The following LUZP2 variants were observed in gnomAD, a reference collection of about 807,000 sequenced individuals.
LUZP2 encodes the protein leucine zipper protein 2.
In LUZP2, 52 loss-of-function variants were observed where a neutral mutation model predicts 51.6. The observed-to-expected ratio is 1.01, with a 90% CI of 0.81 to 1.27. The LOEUF (loss-of-function observed/expected upper bound fraction) is 1.27. Ranked by LOEUF, LUZP2 falls within the 50% of genes most tolerant of loss-of-function variation. The probability of loss-of-function intolerance (pLI) is 0.00; values close to 1 mark genes in which losing one functional copy is unlikely to be tolerated. For missense variants in LUZP2, 436 were observed against 395.4 expected (o/e 1.10, Z -0.87); for synonymous variants, 154 against 137.3 (o/e 1.12, Z -0.85).
intron 1 of LUZP2, among the ~76,000 whole-genome samples, chr11:24,654,867 A>G (rs1188915223): frequency 6.6e-6 from 1 of 151,610 alleles, no homozygotes; most frequent in Non-Finnish European, 1.5e-5. Flanking sequence ...ATATGAGTTG[A>G]GAATTTAGTG....
At chr11:24,547,019 T>C (rs547146985) in intron 1 of LUZP2, among the ~76,000 whole-genome samples, 11 of 151,746 alleles carry the variant, frequency 7.2e-5, no homozygotes, top group Non-Finnish European at 1.6e-4. Flanking sequence ...TTATTGCTGA[T>C]TCAATTCCAG....
chr11:24,743,646 T>C (rs903818775), intron 4 of LUZP2, among the ~76,000 whole-genome samples: 11 of 152,110 alleles, frequency 7.2e-5, no homozygotes, highest in African/African-American at 2.7e-4. Flanking sequence ...CAATGACAGT[T>C]TGACTTCCTC....
chr11:25,050,892 G>A (rs1488041759), intron 10 of LUZP2, among the ~76,000 whole-genome samples: 3 of 152,170 alleles, frequency 2.0e-5, no homozygotes, highest in African/African-American at 7.2e-5. Context: ...TAGGAAATAT[G>A]GAATTTGTTC....
At chr11:24,660,878 A>T (rs2133981991) in intron 1 of LUZP2, among the ~76,000 whole-genome samples, 1 of 152,248 alleles carries the variant, frequency 6.6e-6, no homozygotes, top group Admixed American at 6.5e-5. Flanking sequence ...CTGCTTATAT[A>T]ATGACTTAAA....
At chr11:24,876,061 C>G (rs1852250942) in intron 5 of LUZP2, among the ~76,000 whole-genome samples, 1 of 152,100 alleles carries the variant, frequency 6.6e-6, no homozygotes, top group East Asian at 1.9e-4. Context: ...GTTGTCTGTT[C>G]ACTCTGATGG....
intron 9 of LUZP2, among the ~76,000 whole-genome samples, chr11:25,017,751 T>G (rs1388972319): frequency 2.0e-5 from 3 of 152,164 alleles, no homozygotes; most frequent in African/African-American, 7.2e-5. Flanking sequence ...TAGTATTGCT[T>G]TGGCTATTCT....
chr11:24,953,430 G>C (rs1352400387), intron 7 of LUZP2, among the ~76,000 whole-genome samples: 1 of 151,900 alleles, frequency 6.6e-6, no homozygotes, highest in Non-Finnish European at 1.5e-5. Context: ...TGTATCCACT[G>C]TCTCCTCAGC....
At position 24,807,232 on chromosome 11, in the gene LUZP2, G is replaced by A. The variant is rs189213555; in HGVS notation, c.396+43924G>A. Among the ~76,000 whole-genome samples, 10 of 152,114 alleles carry A rather than the reference G, an allele frequency of 6.6e-5. No homozygotes were observed. The East Asian group carries it at 1.9e-3, about 30-fold the overall frequency. On this transcript the variant is annotated intron_variant, in intron 5 of 11. Coordinates refer to ENST00000336930, the MANE Select transcript of LUZP2 (RefSeq NM_001009909.4). Reference sequence around the variant, plus strand: ...GCATTTTGGGAGGCCAAGGTGGGAGGTGGGCAGATCACCTGAGGTCAGGAT... The same window carrying A: ...GCATTTTGGGAGGCCAAGGTGGGAGATGGGCAGATCACCTGAGGTCAGGAT...
At chr11:24,675,115 G>A (rs1034899635) in intron 1 of LUZP2, among the ~76,000 whole-genome samples, 9 of 152,138 alleles carry the variant, frequency 5.9e-5, no homozygotes, top group Admixed American at 5.2e-4. Context: ...TGACGTTGAA[G>A]TTTAGAAAAT....
intron 1 of LUZP2, among the ~76,000 whole-genome samples, chr11:24,702,017 G>C (rs997222115): frequency 2.0e-5 from 3 of 152,170 alleles, no homozygotes; most frequent in African/African-American, 7.2e-5. Context: ...CTCCCAGTCA[G>C]ACTCGTGCAC....
At chr11:24,783,801 T>C (rs907974959) in intron 5 of LUZP2, among the ~76,000 whole-genome samples, 2 of 151,994 alleles carry the variant, frequency 1.3e-5, no homozygotes, top group African/African-American at 4.8e-5. Context: ...ATTTGTTCTG[T>C]TTATTCCAAG....
At chr11:24,843,734 T>A (rs1851107208) in intron 5 of LUZP2, among the ~76,000 whole-genome samples, 1 of 152,104 alleles carries the variant, frequency 6.6e-6, no homozygotes, top group South Asian at 2.1e-4. Flanking sequence ...GGGAGGTGCC[T>A]GGTGAGAGGT....
chr11:24,692,179 C>A (rs1190046547), intron 1 of LUZP2, among the ~76,000 whole-genome samples: 1 of 151,702 alleles, frequency 6.6e-6, no homozygotes, highest in African/African-American at 2.4e-5. Flanking sequence ...CTAAAGCAAT[C>A]TAATATTTTA....
chr11:25,010,047 A>G (rs1300644883), intron 9 of LUZP2, among the ~76,000 whole-genome samples: 1 of 152,186 alleles, frequency 6.6e-6, no homozygotes, highest in Non-Finnish European at 1.5e-5. Context: ...GTTTGTTAAC[A>G]TTTCTCTTTG....
At chr11:24,628,043 CA>C in intron 1 of LUZP2, among the ~76,000 whole-genome samples, 1 of 152,222 alleles carries the variant, frequency 6.6e-6, no homozygotes, top group East Asian at 1.9e-4. Context: ...GAGCTGGTGA[CA>C]ATTCATCCAT....
chr11:24,874,186 G>T (rs575614987), intron 5 of LUZP2, among the ~76,000 whole-genome samples: 1 of 152,194 alleles, frequency 6.6e-6, no homozygotes, highest in East Asian at 1.9e-4. Context: ...ATTCTCATTT[G>T]CCCAATATGG....
At chr11:24,896,336 A>G (rs770409770) in intron 5 of LUZP2, among the ~76,000 whole-genome samples, 18 of 151,896 alleles carry the variant, frequency 1.2e-4, no homozygotes, top group Non-Finnish European at 1.9e-4. Context: ...TGCGGGCCAC[A>G]GTGAGTTCTG....
chr11:24,854,782 G>A (rs935775850), intron 5 of LUZP2, among the ~76,000 whole-genome samples: 14 of 152,186 alleles, frequency 9.2e-5, no homozygotes, highest in African/African-American at 3.1e-4. Context: ...GGAATCTCCG[G>A]GTCTGCAGGT....
intron 1 of LUZP2, among the ~76,000 whole-genome samples, chr11:24,526,457 CTTTT>C (rs3077900): frequency 8.2e-4 from 121 of 147,382 alleles, no homozygotes; most frequent in Middle Eastern, 3.5e-3. Flanking sequence ...ACTCTCTACT[CTTTT>C]TTTTTTTTTT....
Sources: allele counts gnomAD v4.1 joint callset (sites outside exome capture counted in the v4.1 genomes callset), GRCh38; gene constraint gnomAD v4.1.1; transcripts MANE v1.5; gene names NCBI Gene and HGNC (gene_info 2026-07-23, HGNC 2026-07-21).